Variants in MMP16 observed in about 807,000 individuals in gnomAD.
MMP16 encodes matrix metallopeptidase 16.
In MMP16, 12 loss-of-function variants were observed where a neutral mutation model predicts 67.8. The observed-to-expected ratio is 0.18, with a 90% CI of 0.11 to 0.29. The LOEUF (loss-of-function observed/expected upper bound fraction) is 0.29. Ranked by LOEUF, MMP16 falls within the 10% of genes least tolerant of loss-of-function variation. MMP16 has a pLI of 1.00. For missense variants in MMP16, 475 were observed against 765.7 expected, an observed-to-expected ratio of 0.62 and a Z score of 4.48; for synonymous variants, 249 against 255.9, an observed-to-expected ratio of 0.97 and a Z score of 0.26.
At chr8:88,176,763 G>A (rs1325204558) in intron 3 of MMP16, among the ~76,000 whole-genome samples, 2 of 152,072 alleles carry the variant, frequency 1.3e-5, no homozygotes, top group African/African-American at 2.4e-5. Flanking sequence ...TCTATTGTCT[G>A]TATTACTGGC....
At chr8:88,217,429 C>T (rs908951482) in intron 1 of MMP16, among the ~76,000 whole-genome samples, 2 of 151,924 alleles carry the variant, frequency 1.3e-5, no homozygotes, top group Non-Finnish European at 2.9e-5. Context: ...ATATTCATTC[C>T]CATATCTATA....
At chr8:88,148,437 T>C (rs1327088838) in intron 4 of MMP16, among the ~76,000 whole-genome samples, 1 of 152,228 alleles carries the variant, frequency 6.6e-6, no homozygotes, top group African/African-American at 2.4e-5. Context: ...AATAGCTGGG[T>C]GCCTAAATGC....
chr8:88,186,437 A>G, intron 3 of MMP16, 39 bp downstream of exon 3: 2 of 1,611,254 alleles, frequency 1.2e-6, no homozygotes, highest in South Asian at 1.1e-5. Context: ...TAGTAATGAA[A>G]TATGGGGAAA....
intron 6 of MMP16, among the ~76,000 whole-genome samples, chr8:88,100,022 C>T (rs917925879): frequency 6.6e-6 from 1 of 151,928 alleles, no homozygotes; most frequent in Admixed American, 6.6e-5. Context: ...CAAAAATTTT[C>T]TCCCATTCTG....
chr8:88,215,320 TA>T (rs775986373), intron 1 of MMP16, among the ~76,000 whole-genome samples: 469 of 142,126 alleles, frequency 3.3e-3, no homozygotes, highest in Middle Eastern at 3.8e-3. Context: ...AGACTCTGTC[TA>T]AAAAAAAAAA....
intron 3 of MMP16, among the ~76,000 whole-genome samples, chr8:88,179,210 G>T (rs1284714504): frequency 6.6e-6 from 1 of 151,810 alleles, no homozygotes; most frequent in Non-Finnish European, 1.5e-5. Flanking sequence ...AAGCCAGAAG[G>T]GGGTAAAATA....
At chr8:88,252,835 T>C (rs1385700038) in intron 1 of MMP16, among the ~76,000 whole-genome samples, 2 of 152,114 alleles carry the variant, frequency 1.3e-5, no homozygotes, top group Admixed American at 6.6e-5. Context: ...AAAGCACTAA[T>C]GTAGAAACAT....
intron 1 of MMP16, among the ~76,000 whole-genome samples, chr8:88,237,681 C>CAACAACAACAACAACAA (rs1554587734): frequency 1.3e-5 from 2 of 151,172 alleles, no homozygotes; most frequent in Admixed American, 6.6e-5. Flanking sequence ...ACAACAACAA[C>CAACAACAACAACAACAA]AAAAAACAAC....
rs1373901050 is a variant in MMP16 at position 88,032,353 on chromosome 8, T to A, written c.*9108A>T. ...TAAACATAAGTACTTTGTGGAAAAGTTCAGTCATGTTAATGGTCTATAGCA... is the reference window on the plus strand; with the variant it reads ...TAAACATAAGTACTTTGTGGAAAAGATCAGTCATGTTAATGGTCTATAGCA... On this transcript the variant is annotated 3_prime_UTR_variant, in exon 10 of 10. Transcript: ENST00000286614. The A allele has an allele frequency of 3.3e-5, 5 of 152,104 alleles. No individual in the cohort carries two copies. Among genetic ancestry groups the A allele is most frequent in the Non-Finnish European group, 7.4e-5 (5 of 68,006 alleles). The allele number at this position is 152,104 out of a possible 1,614,324, so 9.4% of individuals were successfully genotyped here.
chr8:88,234,966 C>A (rs1809917727), intron 1 of MMP16, among the ~76,000 whole-genome samples: 1 of 152,186 alleles, frequency 6.6e-6, no homozygotes, highest in Non-Finnish European at 1.5e-5. Context: ...AAAGGTCCAA[C>A]TCCCTTGAAT....
At chr8:88,131,356 CAAAT>C (rs1006540652) in intron 4 of MMP16, among the ~76,000 whole-genome samples, 6 of 151,462 alleles carry the variant, frequency 4.0e-5, no homozygotes, top group African/African-American at 1.5e-4. Context: ...TCTTATGACA[CAAAT>C]GAACAAGAAA....
At chr8:88,275,711 C>T (rs575009007) in intron 1 of MMP16, among the ~76,000 whole-genome samples, 2 of 151,432 alleles carry the variant, frequency 1.3e-5, no homozygotes, top group African/African-American at 4.8e-5. Flanking sequence ...TACTTAATAT[C>T]AAAATATCAG....
At chr8:88,174,597 A>T (rs1808856750) in intron 3 of MMP16, among the ~76,000 whole-genome samples, 1 of 152,180 alleles carries the variant, frequency 6.6e-6, no homozygotes, top group African/African-American at 2.4e-5. Context: ...TAATTTTCCA[A>T]TCATTTAAAA....
At position 88,131,252 on chromosome 8, in the gene MMP16, A is replaced by C. The variant is rs1808023936; in HGVS notation, c.710-12391T>G. 2.1e-5 allele frequency among the ~76,000 whole-genome samples: 3 copies of C among 143,600 alleles called. No individual in the cohort carries two copies. In the Admixed American group the frequency reaches 2.1e-4, roughly 10 times the overall value. The allele number at this position is 143,600 out of a possible 152,430, so 94.2% of individuals were successfully genotyped here. A position where few individuals can be genotyped will look rare whatever the true frequency, so the allele number is the denominator to read the frequency against. On this transcript the variant is annotated intron_variant, in intron 4 of 9. Transcript: ENST00000286614. Reference sequence around the variant, plus strand: ...GTCTTTCTTCCCTATGCTGAGTATGACTATCTATAGTATTATACACACACA... The same window carrying C: ...GTCTTTCTTCCCTATGCTGAGTATGCCTATCTATAGTATTATACACACACA...
chr8:88,082,899 T>G (rs1194073685), intron 6 of MMP16, among the ~76,000 whole-genome samples: 1 of 152,002 alleles, frequency 6.6e-6, no homozygotes, highest in African/African-American at 2.4e-5. Flanking sequence ...TATAAGAAAT[T>G]GGAAACATAC....
At chr8:88,284,521 C>A (rs981907660) in intron 1 of MMP16, among the ~76,000 whole-genome samples, 1 of 151,628 alleles carries the variant, frequency 6.6e-6, no homozygotes, top group Admixed American at 6.6e-5. Flanking sequence ...AGATTGTAGA[C>A]CTGCTCATTC....
chr8:88,290,042 T>C (rs573926383), intron 1 of MMP16, among the ~76,000 whole-genome samples: 1 of 152,266 alleles, frequency 6.6e-6, no homozygotes, highest in East Asian at 1.9e-4. Context: ...AAATTTTTTG[T>C]CCATCTGTGC....
intron 1 of MMP16, among the ~76,000 whole-genome samples, chr8:88,317,787 A>AT (rs879656689): frequency 1.3e-5 from 2 of 151,466 alleles, no homozygotes; most frequent in African/African-American, 2.4e-5. Flanking sequence ...GGGCCTGAAG[A>AT]TTTTTTTTTA....
intron 1 of MMP16, among the ~76,000 whole-genome samples, chr8:88,222,506 C>T (rs545257118): frequency 2.0e-5 from 3 of 152,006 alleles, no homozygotes; most frequent in Non-Finnish European, 4.4e-5. Flanking sequence ...AGATATAGAC[C>T]AATGGAACAG....
Sources: allele counts gnomAD v4.1 joint callset (sites outside exome capture counted in the v4.1 genomes callset), GRCh38; gene constraint gnomAD v4.1.1; transcripts MANE v1.5; gene names NCBI Gene and HGNC (gene_info 2026-07-23, HGNC 2026-07-21).